The following BBS9 variants were observed in gnomAD, a reference collection of about 807,000 sequenced individuals.
BBS9 encodes protein PTHB1.
In BBS9, 89 loss-of-function variants were observed where a neutral mutation model predicts 117.7. That is an observed-to-expected ratio of 0.76 (90% CI 0.64 to 0.90). The LOEUF (loss-of-function observed/expected upper bound fraction) is 0.90, where lower values mean the gene tolerates loss of function less well. Ranked by LOEUF, BBS9 falls within the 40% of genes least tolerant of loss-of-function variation. The pLI is 0.00. For synonymous variants in BBS9, 379 were observed against 370.9 expected, an observed-to-expected ratio of 1.02 and a Z score of -0.25; for missense variants, 982 against 1,042.2, an observed-to-expected ratio of 0.94 and a Z score of 0.80.
intron 19 of BBS9, among the ~76,000 whole-genome samples, chr7:33,468,383 C>T (rs937176072): frequency 6.6e-6 from 1 of 151,986 alleles, no homozygotes; most frequent in African/African-American, 2.4e-5. Context: ...ATTCAGAGAC[C>T]ACTCTGTTTT....
chr7:33,236,263 C>G (rs201946306), intron 5 of BBS9, among the ~76,000 whole-genome samples: 1 of 145,268 alleles, frequency 6.9e-6, no homozygotes, highest in Non-Finnish European at 1.5e-5. Context: ...GAGGCAGAGG[C>G]TGCAGTGAGC....
At chr7:33,618,122 C>A (rs2598382) in intron 21 of BBS9, among the ~76,000 whole-genome samples, 1 of 151,910 alleles carries the variant, frequency 6.6e-6, no homozygotes, top group Non-Finnish European at 1.5e-5. Context: ...GGATGATTGC[C>A]TTAGGCCAGG....
At position 33,264,275 on chromosome 7, in the gene BBS9, A is replaced by T; in HGVS notation, c.618-15A>T. 1 of 1,410,200 alleles carries T rather than the reference A, an allele frequency of 7.1e-7. No individual in the cohort carries two copies. The highest frequency in any genetic ancestry group is 1.4e-5 in the African/African-American group (1 of 69,024). 87.4% of individuals were successfully genotyped at this position (1,410,200 alleles called of 1,614,324 possible). A position where few individuals can be genotyped will look rare whatever the true frequency, so the allele number is the denominator to read the frequency against. On this transcript the variant is annotated splice_polypyrimidine_tract_variant and intron_variant, in intron 6 of 22. Transcript: ENST00000242067. ...TATAAACTCATTTATAATTTTTTAAATTTCTTTCATACAGGTACCAGGTAC... is the reference window on the plus strand; with the variant it reads ...TATAAACTCATTTATAATTTTTTAATTTTCTTTCATACAGGTACCAGGTAC...
chr7:33,508,654 A>T (rs1310025221), intron 20 of BBS9, among the ~76,000 whole-genome samples: 1 of 152,226 alleles, frequency 6.6e-6, no homozygotes. Flanking sequence ...ACACAAATTC[A>T]GAGGTAAAAT....
At chr7:33,580,575 G>C (rs1046559849) in intron 21 of BBS9, among the ~76,000 whole-genome samples, 1 of 152,104 alleles carries the variant, frequency 6.6e-6, no homozygotes, top group Non-Finnish European at 1.5e-5. Flanking sequence ...CCCATATGCT[G>C]CTCAAAAGAG....
chr7:33,626,305 A>G lies in BBS9; in HGVS notation c.2522-8872A>G, dbSNP rs542154866. On this transcript the variant is annotated intron_variant, in intron 21 of 21. Coordinates refer to the BBS9 transcript ENST00000671952. The stretch of plus-strand genomic sequence containing the variant: ...TACTGCCTGCAGAACTGTGAAGTCA[A>G]TTAAACCTCTTTTCTTTATAAATTA... 1.3e-3 allele frequency among the ~76,000 whole-genome samples: 203 copies of G among 152,302 alleles called. 2 individuals are homozygous for G. The highest frequency in any genetic ancestry group is 4.7e-3 in the African/African-American group (196 of 41,580).
At chr7:33,393,909 C>T (rs1378210789) in intron 19 of BBS9, among the ~76,000 whole-genome samples, 1 of 152,108 alleles carries the variant, frequency 6.6e-6, no homozygotes, top group Non-Finnish European at 1.5e-5. Flanking sequence ...CAACCACTTC[C>T]CTCCCTATTT....
chr7:33,154,650 G>C (rs976040601), intron 3 of BBS9, among the ~76,000 whole-genome samples: 5 of 151,996 alleles, frequency 3.3e-5, no homozygotes, highest in Non-Finnish European at 7.4e-5. Flanking sequence ...ATTTTTAGTA[G>C]AGACAGGGTT....
At chr7:33,527,289 C>G (rs774538029) in intron 20 of BBS9, among the ~76,000 whole-genome samples, 36 of 152,204 alleles carry the variant, frequency 2.4e-4, no homozygotes, top group Non-Finnish European at 4.4e-4. Context: ...GTTCGAGCTT[C>G]CTGGCTGCTT....
rs192413932 is a variant in BBS9, at chr7:33,222,108, T to C, written c.443-35128T>C. Among the ~76,000 whole-genome samples, 4 of 152,344 alleles carry C rather than the reference T, an allele frequency of 2.6e-5. No homozygotes were observed. In the East Asian group the frequency reaches 7.7e-4, roughly 29 times the overall value. On this transcript the variant is annotated intron_variant, in intron 5 of 22. Transcript: ENST00000242067. The stretch of plus-strand genomic sequence containing the variant: ...TTTGAATATTTTTTGGCTTCTTGTT[T>C]ATTAGCATGAACTCTATGAAACTTT...
At chr7:33,375,600 T>C (rs952773346) in intron 17 of BBS9, among the ~76,000 whole-genome samples, 12 of 150,158 alleles carry the variant, frequency 8.0e-5, no homozygotes, top group Middle Eastern at 3.4e-3. Flanking sequence ...TCTTTCTTTT[T>C]TTTTTTTTTT....
At chr7:33,377,094 G>C (rs1380700835) in intron 17 of BBS9, among the ~76,000 whole-genome samples, 1 of 152,028 alleles carries the variant, frequency 6.6e-6, no homozygotes, top group Non-Finnish European at 1.5e-5. Context: ...AATTGCTTTT[G>C]GTGTCTTTGT....
intron 19 of BBS9, among the ~76,000 whole-genome samples, chr7:33,494,271 C>A (rs1017918445): frequency 1.3e-5 from 2 of 152,060 alleles, no homozygotes; most frequent in African/African-American, 4.8e-5. Flanking sequence ...GTACCTGGGG[C>A]AGCCCCAACA....
At chr7:33,169,915 G>T (rs1339702085) in intron 4 of BBS9, among the ~76,000 whole-genome samples, 4 of 151,786 alleles carry the variant, frequency 2.6e-5, no homozygotes, top group African/African-American at 9.7e-5. Context: ...GTAATGCCTA[G>T]GTTTTCTTCT....
intron 1 of BBS9, among the ~76,000 whole-genome samples, chr7:33,143,763 C>G (rs56195645): frequency 0.099 from 15,073 of 151,576 alleles, 840 homozygotes; most frequent in African/African-American, 0.13. Context: ...TGAGGTTTCA[C>G]TATGTTGGCC....
intron 21 of BBS9, among the ~76,000 whole-genome samples, chr7:33,546,148 T>C (rs943442363): frequency 2.0e-5 from 3 of 152,078 alleles, no homozygotes; most frequent in South Asian, 2.1e-4. Flanking sequence ...TTAGCCAGGA[T>C]GGTCTTGATC....
At chr7:33,292,564 T>A (rs772722477) in intron 9 of BBS9, among the ~76,000 whole-genome samples, 11 of 152,310 alleles carry the variant, frequency 7.2e-5, no homozygotes, top group Middle Eastern at 3.4e-3. Flanking sequence ...TAGGTCAAAC[T>A]TTTTACTGTT....
At chr7:33,433,583 A>G (rs371558698) in intron 19 of BBS9, among the ~76,000 whole-genome samples, 1 of 152,134 alleles carries the variant, frequency 6.6e-6, no homozygotes, top group Non-Finnish European at 1.5e-5. Context: ...GTTTCATTCC[A>G]TTAGTGCCAT....
At chr7:33,242,010 A>G (rs370331040) in intron 5 of BBS9, among the ~76,000 whole-genome samples, 4 of 152,230 alleles carry the variant, frequency 2.6e-5, no homozygotes, top group Admixed American at 1.3e-4. Flanking sequence ...TTTGAACATT[A>G]TCAATGGGAA....
Sources: gnomAD v4.1 joint callset for allele counts (sites outside exome capture counted in the v4.1 genomes callset) on GRCh38, gnomAD v4.1.1 for gene constraint, MANE v1.5 for transcripts, NCBI Gene and HGNC (gene_info 2026-07-23, HGNC 2026-07-21) for gene names.